Variants in TRPM3 observed in about 807,000 individuals in gnomAD.
The protein encoded by TRPM3 is transient receptor potential cation channel subfamily M member 3.
Under a neutral mutation model 181.2 loss-of-function variants are expected in TRPM3, and 77 were observed. That is an observed-to-expected ratio of 0.42 (90% CI 0.35 to 0.51). The LOEUF is 0.51. Among genes scored for constraint, TRPM3 ranks in the 20% least tolerant of loss-of-function variants. The pLI is 0.01. For synonymous variants in TRPM3, 745 were observed against 796.4 expected (o/e 0.94, Z 1.09); for missense variants, 1,759 against 2,196.7 (o/e 0.80, Z 3.98).
intron 1 of TRPM3, among the ~76,000 whole-genome samples, chr9:70,877,196 T>C (rs1366234479): frequency 6.6e-6 from 1 of 151,960 alleles, no homozygotes; most frequent in East Asian, 1.9e-4. Flanking sequence ...AGAGCCCAGG[T>C]TCGTTACTGG....
At chr9:71,428,255 CTTTTTTT>C (rs567636846) in intron 1 of TRPM3, among the ~76,000 whole-genome samples, 2 of 128,342 alleles carry the variant, frequency 1.6e-5, no homozygotes, top group East Asian at 2.2e-4. Context: ...CCATGCCCGG[CTTTTTTT>C]TTTTTTTTTT....
chr9:70,652,860 G>A (rs948686183), intron 9 of TRPM3, among the ~76,000 whole-genome samples: 2 of 152,204 alleles, frequency 1.3e-5, no homozygotes, highest in African/African-American at 4.8e-5. Flanking sequence ...TAAGTTTGGT[G>A]AGGTAGAAGC....
chr9:71,011,771 T>G (rs548722977), intron 1 of TRPM3, among the ~76,000 whole-genome samples: 2 of 140,548 alleles, frequency 1.4e-5, no homozygotes, highest in Non-Finnish European at 3.1e-5. Context: ...TCATCCATGG[T>G]TTTTTTTTTT....
intron 18 of TRPM3, among the ~76,000 whole-genome samples, chr9:70,614,574 G>C (rs1192284243): frequency 6.6e-6 from 1 of 152,170 alleles, no homozygotes; most frequent in Admixed American, 6.5e-5. Flanking sequence ...CCATTAGTAA[G>C]TATGTGTAAA....
intron 1 of TRPM3, among the ~76,000 whole-genome samples, chr9:71,150,645 T>C (rs1326750243): frequency 5.9e-5 from 9 of 152,132 alleles, no homozygotes; most frequent in Non-Finnish European, 1.0e-4. Context: ...CCAAATTCAA[T>C]GAAATAGCCT....
chr9:70,616,790 T>C (rs1193260659), intron 17 of TRPM3, among the ~76,000 whole-genome samples: 1 of 152,176 alleles, frequency 6.6e-6, no homozygotes, highest in Admixed American at 6.5e-5. Flanking sequence ...ATTTCTCTCA[T>C]GTATAAACAT....
chr9:70,536,199 G>A lies in TRPM3; in HGVS notation c.4914C>T (p.Asn1638=), dbSNP rs773212852. 2 of 1,614,116 alleles carry A rather than the reference G, an allele frequency of 1.2e-6. No individual in the cohort carries two copies. Among genetic ancestry groups the A allele is most frequent in the Non-Finnish European group, 1.7e-6 (2 of 1,180,052 alleles). ...CGCGCTCTATCTTGGGAACAGTGAT[G>A]TTGTTGGACAGGGTTCTCTCTGAGT... ...GDNSERTLSN[N]ITVPKIERAN... Residue 1638 remains asparagine, a synonymous_variant, in exon 26 of 26, where the codon AAC becomes AAT. Coordinates refer to ENST00000677713, the MANE Select transcript of TRPM3 (RefSeq NM_001366145.2).
At chr9:70,629,992 C>A (rs17055442) in intron 12 of TRPM3, among the ~76,000 whole-genome samples, 2,708 of 152,294 alleles carry the variant, frequency 0.018, 84 homozygotes, top group African/African-American at 0.061. Context: ...GGGATGGCAG[C>A]CTCAGTGCAT....
Position 71,099,496 on chromosome 9 carries a change from C to G in TRPM3, c.177+21682G>C, listed in dbSNP as rs192221257. Among the ~76,000 whole-genome samples, 35 of 152,256 alleles carry G rather than the reference C, an allele frequency of 2.3e-4. No homozygotes were observed. In the East Asian group the frequency reaches 6.0e-3, roughly 26 times the overall value. On this transcript the variant is annotated intron_variant, in intron 1 of 25. Transcript: ENST00000677713. ...TATATTTAACTCATAATCCTCGCCT[C>G]CTTTAAGTGTACAGGGTAGGTACAA...
At chr9:70,953,835 A>AC (rs1283736254) in intron 1 of TRPM3, among the ~76,000 whole-genome samples, 3 of 152,138 alleles carry the variant, frequency 2.0e-5, no homozygotes, top group Admixed American at 6.6e-5. Flanking sequence ...CTAACCTTGT[A>AC]CCTCTTGGCC....
At chr9:71,337,726 T>C (rs117345082) in intron 1 of TRPM3, among the ~76,000 whole-genome samples, 2,903 of 152,152 alleles carry the variant, frequency 0.019, 30 homozygotes, top group Middle Eastern at 0.034. Flanking sequence ...ATATGGCAAA[T>C]GTACACTATG....
intron 6 of TRPM3, among the ~76,000 whole-genome samples, chr9:70,817,477 C>G (rs898119269): frequency 6.6e-6 from 1 of 152,160 alleles, no homozygotes; most frequent in Admixed American, 6.6e-5. Flanking sequence ...AAATTCCTGT[C>G]TCATTGAAGC....
chr9:70,830,906 G>A (rs959506511), intron 5 of TRPM3, among the ~76,000 whole-genome samples: 18 of 152,086 alleles, frequency 1.2e-4, no homozygotes, highest in African/African-American at 2.9e-4. Context: ...ACTATAAGCC[G>A]ATTTTTCAAT....
chr9:70,536,645 G>A lies in TRPM3; in HGVS notation c.4468C>T (p.His1490Tyr), dbSNP rs2041839296. The A allele has an allele frequency of 1.2e-6, 2 of 1,614,150 alleles. No homozygotes were observed. The highest frequency in any genetic ancestry group is 1.3e-5 in the African/African-American group (1 of 75,012). Reference sequence around the variant, plus strand: ...CAGGGGTTTTGGCATTCTGGGAGGTGGGTGTAGTCTGAAGAAAAAGATCTA... The same window carrying A: ...CAGGGGTTTTGGCATTCTGGGAGGTAGGTGTAGTCTGAAGAAAAAGATCTA... ...DTRSFSSDYT[H>Y]LPECQNPWDS... The change falls in exon 26 of 26, where the codon CAC (histidine) becomes TAC (tyrosine). Residue 1490 changes from histidine to tyrosine, a missense_variant. Physicochemically the swap from His to Tyr is moderately conservative, Grantham distance 83 (BLOSUM62 2). Around this residue, in one of 8 missense-constraint regions of TRPM3, gnomAD observed 612 missense variants for 590.0 expected, o/e 1.04. Coordinates refer to ENST00000677713, the MANE Select transcript of TRPM3 (RefSeq NM_001366145.2).
rs1442186465 is a variant in TRPM3 at position 71,285,735 on chromosome 9, A to G, written c.183+160918T>C. On this transcript the variant is annotated intron_variant, in intron 1 of 24. Transcript: ENST00000357533. Reference sequence around the variant, plus strand: ...ACCACCACCACCAGTCGCTGCACACATTTAGCTTGTTCCTGCTGTTTTCAC... The same window carrying G: ...ACCACCACCACCAGTCGCTGCACACGTTTAGCTTGTTCCTGCTGTTTTCAC... Among the ~76,000 whole-genome samples, 6 of 152,140 alleles carry G rather than the reference A, an allele frequency of 3.9e-5. No homozygotes were observed. The East Asian group carries it at 1.2e-3, about 29-fold the overall frequency.
rs1189954862 is a variant in TRPM3 at position 71,121,162 on chromosome 9, C to A, written c.177+16G>T. 6.2e-7 allele frequency: 1 copy of A among 1,606,868 alleles called. No homozygotes were observed. ...AAAGCACAATTAGCGCCATTCAAAG[C>A]TGCAAGTTACAGTACCTTCAGAAGT... On this transcript the variant is annotated intron_variant, in intron 1 of 25. Coordinates refer to ENST00000677713, the MANE Select transcript of TRPM3 (RefSeq NM_001366145.2).
At chr9:71,289,749 T>C (rs549396838) in intron 1 of TRPM3, among the ~76,000 whole-genome samples, 1 of 151,860 alleles carries the variant, frequency 6.6e-6, no homozygotes, top group African/African-American at 2.4e-5. Context: ...ATGCTTGTAA[T>C]CCCAGCTACT....
At chr9:70,811,106 G>T (rs1349028762) in intron 6 of TRPM3, 1 of 1,283,212 alleles carries the variant, frequency 7.8e-7, no homozygotes, top group Admixed American at 2.1e-5. Flanking sequence ...AGGAAATGAA[G>T]ACTTCTGTGG....
intron 1 of TRPM3, among the ~76,000 whole-genome samples, chr9:70,966,289 T>C (rs1052171205): frequency 6.6e-6 from 1 of 152,088 alleles, no homozygotes; most frequent in Non-Finnish European, 1.5e-5. Context: ...TGTTACACCA[T>C]TGGTGGGAGT....
Sources: allele counts gnomAD v4.1 joint callset (sites outside exome capture counted in the v4.1 genomes callset), GRCh38; gene constraint gnomAD v4.1.1; regional missense constraint gnomAD v4.1.1; transcripts MANE v1.5; gene names NCBI Gene and HGNC (gene_info 2026-07-23, HGNC 2026-07-21).